The following CRTAC1 variants were observed in gnomAD, a reference collection of about 807,000 sequenced individuals.
CRTAC1 encodes cartilage acidic protein 1, also known as acidic secreted protein in cartilage.
In CRTAC1, 37 loss-of-function variants were observed where a neutral mutation model predicts 67.8. The observed-to-expected ratio is 0.55, with a 90% CI of 0.42 to 0.72. CRTAC1 has a LOEUF of 0.72. CRTAC1 is among the 30% of genes least tolerant of loss of function. The pLI is 0.00. For synonymous variants in CRTAC1, 348 were observed against 371.0 expected (o/e 0.94, Z 0.71); for missense variants, 780 against 931.6 (o/e 0.84, Z 2.12).
intron 8 of CRTAC1, among the ~76,000 whole-genome samples, chr10:97,899,727 C>A (rs781137303): frequency 6.6e-6 from 1 of 152,156 alleles, no homozygotes; most frequent in African/African-American, 2.4e-5. Context: ...CACACTCATG[C>A]CTTTTAGTAT....
intron 2 of CRTAC1, among the ~76,000 whole-genome samples, chr10:97,946,438 T>C (rs753434273): frequency 2.6e-5 from 4 of 152,146 alleles, no homozygotes; most frequent in Non-Finnish European, 5.9e-5. Flanking sequence ...CATCTCAGCT[T>C]CAGGACCAGA....
At chr10:98,008,420 GGGGGT>G (rs1200140568) in intron 2 of CRTAC1, among the ~76,000 whole-genome samples, 2 of 151,798 alleles carry the variant, frequency 1.3e-5, no homozygotes, top group African/African-American at 4.8e-5. Context: ...CAAAAGAGTG[GGGGGT>G]GGGGTGGGGG....
intron 8 of CRTAC1, among the ~76,000 whole-genome samples, chr10:97,899,125 G>T (rs993043638): frequency 1.3e-5 from 2 of 152,210 alleles, no homozygotes; most frequent in Admixed American, 1.3e-4. Context: ...CCGTGGTGTG[G>T]GACAGTTGGG....
At chr10:97,915,345 TCTC>T (rs2050743796) in intron 5 of CRTAC1, among the ~76,000 whole-genome samples, 1 of 152,208 alleles carries the variant, frequency 6.6e-6, no homozygotes, top group South Asian at 2.1e-4. Context: ...GCGAGTCCCT[TCTC>T]CTCCCTGGAT....
At chr10:97,967,150 T>C (rs1236136201) in intron 2 of CRTAC1, among the ~76,000 whole-genome samples, 1 of 152,200 alleles carries the variant, frequency 6.6e-6, no homozygotes, top group African/African-American at 2.4e-5. Flanking sequence ...TCTCCCTCAT[T>C]TATTTATTTA....
In CRTAC1 at chr10:97,895,155, AGC is replaced by A. The variant is rs1230069032; in HGVS notation, c.1486+88_1486+89del. 76 of 1,298,092 alleles carry A rather than the reference AGC, an allele frequency of 5.9e-5. No homozygotes were observed. The highest frequency in any genetic ancestry group is 7.7e-5 in the Non-Finnish European group (71 of 926,856). The allele number at this position is 1,298,092 out of a possible 1,614,324, so 80.4% of individuals were successfully genotyped here. On this transcript the variant is annotated intron_variant, in intron 11 of 14. Coordinates refer to ENST00000370597, the MANE Select transcript of CRTAC1 (RefSeq NM_018058.7). This position sits in a 1 kb window ranked among gnomAD's most constrained non-coding sequence, Gnocchi z 4.2. Reference sequence around the variant, plus strand: ...CACCATGGCTGTCACAGTAGAGCGGAGCGGTGCCCAAGGATGCTCGGGCTGTG... The same window carrying A: ...CACCATGGCTGTCACAGTAGAGCGGAGGTGCCCAAGGATGCTCGGGCTGTG...
At chr10:97,883,015 G>A (rs1411808779) in intron 12 of CRTAC1, among the ~76,000 whole-genome samples, 187 bp from the exon 13 acceptor site, 3 of 152,244 alleles carry the variant, frequency 2.0e-5, no homozygotes, top group Admixed American at 6.5e-5. Context: ...GAAGGCTGGC[G>A]GGAAGGCCAT....
rs529438243 is a variant in CRTAC1 at position 97,952,214 on chromosome 10, T to C, written c.225-15848A>G. Among the ~76,000 whole-genome samples the C allele has an allele frequency of 2.0e-5, 3 of 151,980 alleles. No individual in the cohort carries two copies. The South Asian group carries it at 6.3e-4, about 32-fold the overall frequency. On this transcript the variant is annotated intron_variant, in intron 2 of 14. Coordinates refer to ENST00000370597, the MANE Select transcript of CRTAC1 (RefSeq NM_018058.7). ...AAAAATACAAAAAATTAGCCAGGTG[T>C]GGTGGTGGGCACCTGTAGTCCCAGC...
intron 14 of CRTAC1, among the ~76,000 whole-genome samples, chr10:97,872,254 G>A (rs112885643): frequency 4.6e-5 from 7 of 152,246 alleles, no homozygotes; most frequent in African/African-American, 1.7e-4. Context: ...CCTAGGGCAA[G>A]GTGCCACTGA....
chr10:97,905,793 G>A (rs1225387074), intron 6 of CRTAC1, among the ~76,000 whole-genome samples: 2 of 152,244 alleles, frequency 1.3e-5, no homozygotes, highest in African/African-American at 2.4e-5. Flanking sequence ...GAAGCCCACA[G>A]CATGCCTGGT....
At chr10:97,988,861 G>A in intron 2 of CRTAC1, among the ~76,000 whole-genome samples, 1 of 152,242 alleles carries the variant, frequency 6.6e-6, no homozygotes, top group East Asian at 1.9e-4. Context: ...ATTTGAGTAG[G>A]CCACAGGTGC....
At chr10:97,891,979 G>A (rs2050381259) in intron 11 of CRTAC1, among the ~76,000 whole-genome samples, 1 of 152,210 alleles carries the variant, frequency 6.6e-6, no homozygotes, top group Admixed American at 6.5e-5. Flanking sequence ...AGAGGAGTCT[G>A]CCGGGAGGCC....
chr10:97,977,459 C>G (rs2051826465), intron 2 of CRTAC1, among the ~76,000 whole-genome samples: 1 of 152,180 alleles, frequency 6.6e-6, no homozygotes, highest in African/African-American at 2.4e-5. Context: ...TCCCCCAAAT[C>G]AAGTCTTGTC....
At chr10:98,000,635 G>T (rs1842670391) in intron 2 of CRTAC1, among the ~76,000 whole-genome samples, 1 of 152,222 alleles carries the variant, frequency 6.6e-6, no homozygotes, top group African/African-American at 2.4e-5. Context: ...AGCCCATCAG[G>T]CCCAAGCAAA....
intron 1 of CRTAC1, among the ~76,000 whole-genome samples, chr10:98,021,920 T>C (rs1843129714): frequency 6.6e-6 from 1 of 152,188 alleles, no homozygotes; most frequent in African/African-American, 2.4e-5. Flanking sequence ...TGCTATGCTA[T>C]ACACATTAAT....
In CRTAC1 at chr10:97,895,387, C is replaced by T. The variant is rs775236023; in HGVS notation, c.1344G>A (p.Val448=). Residue 448 remains valine, a synonymous_variant, in exon 11 of 15, where the codon GTG becomes GTA. Transcript: ENST00000370597. This position sits in a 1 kb window ranked among gnomAD's most constrained non-coding sequence, Gnocchi z 4.2. ...AGGCCCCAAACCGGGTGCGTGGCAC[C>T]ACTCGCAGCCAGTTGTTGTTGAAGC... ...NQGFNNNWLR[V]VPRTRFGAFA... The T allele has an allele frequency of 1.9e-6, 3 of 1,609,336 alleles. No individual in the cohort carries two copies. Among genetic ancestry groups the T allele is most frequent in the Non-Finnish European group, 1.7e-6 (2 of 1,177,984 alleles).
chr10:98,021,912 C>T (rs1020401645), intron 1 of CRTAC1, among the ~76,000 whole-genome samples: 1 of 152,206 alleles, frequency 6.6e-6, no homozygotes, highest in African/African-American at 2.4e-5. Flanking sequence ...CCTTAGCATG[C>T]TATGCTATAC....
At chr10:97,920,789 G>A (rs1264748402) in intron 4 of CRTAC1, among the ~76,000 whole-genome samples, 3 of 152,218 alleles carry the variant, frequency 2.0e-5, no homozygotes, top group African/African-American at 7.2e-5. Flanking sequence ...CAGGGTTCTT[G>A]AGAAGATGAA....
chr10:98,015,350 G>C (rs1428876772), intron 1 of CRTAC1, among the ~76,000 whole-genome samples: 1 of 152,114 alleles, frequency 6.6e-6, no homozygotes, highest in Non-Finnish European at 1.5e-5. Context: ...CTGGGTATAG[G>C]GGGAAATGGG....
Sources: gnomAD v4.1 joint callset for allele counts (sites outside exome capture counted in the v4.1 genomes callset) on GRCh38, gnomAD v4.1.1 for gene constraint, Gnocchi (gnomAD v3.1) non-coding constraint, MANE v1.5 for transcripts, NCBI Gene and HGNC (gene_info 2026-07-23, HGNC 2026-07-21) for gene names.